The following PLEKHM1 variants were observed in gnomAD, a reference collection of about 807,000 sequenced individuals.
The protein encoded by PLEKHM1 is pleckstrin homology and RUN domain containing M1.
A neutral mutation model predicts 94.3 loss-of-function variants in PLEKHM1; 28 were observed. That is an observed-to-expected ratio of 0.30 (90% CI 0.22 to 0.41). The LOEUF is 0.41. PLEKHM1 is among the 10% of genes least tolerant of loss of function. PLEKHM1 has a pLI of 1.00. For synonymous variants in PLEKHM1, 424 were observed against 581.2 expected (o/e 0.73, Z 3.89); for missense variants, 907 against 1,358.6 (o/e 0.67, Z 5.22).
At position 45,475,163 on chromosome 17, in the gene PLEKHM1, G is replaced by A. The variant is rs1357288587; in HGVS notation, c.860C>T (p.Pro287Leu). ...GSKSPDHCEE[P>L]MSCDSDLGTA... is the part of the protein sequence containing the mutation. ...GCCCAGGTCTGAGTCACAGGACATG[G>A]GCTCCTCGCAATGGTCTGGACTCTT... The change falls in exon 4 of 12, where the codon CCC becomes CTC. Residue 287 changes from proline (P) to leucine (L), a missense_variant. This residue lies in a region of PLEKHM1 where 477 missense variants were observed against 601.5 expected (regional missense o/e 0.79). Coordinates refer to ENST00000430334, the MANE Select transcript of PLEKHM1 (RefSeq NM_014798.3). The A allele has an allele frequency of 1.2e-6, 2 of 1,613,824 alleles. No individual in the cohort carries two copies. Among genetic ancestry groups the A allele is most frequent in the Non-Finnish European group, 1.7e-6 (2 of 1,179,870 alleles).
chr17:45,465,407 A>T (rs963674054), intron 5 of PLEKHM1, among the ~76,000 whole-genome samples: 6 of 152,062 alleles, frequency 3.9e-5, no homozygotes, highest in Non-Finnish European at 8.8e-5. Context: ...AGGAACAGCA[A>T]ATGTAAAACC....
In PLEKHM1 at chr17:45,455,212, C is replaced by T. The variant is rs116566970; in HGVS notation, c.1580-940G>A. Among the ~76,000 whole-genome samples the T allele has an allele frequency of 8.8e-3, 1,341 of 152,314 alleles. 21 individuals are homozygous for T. The highest frequency in any genetic ancestry group is 0.031 in the African/African-American group (1,268 of 41,562). On this transcript the variant is annotated intron_variant, in intron 6 of 11. Coordinates refer to ENST00000430334, the MANE Select transcript of PLEKHM1 (RefSeq NM_014798.3). ...TGCTCCAAGTAGGCTTCTCTCCCCC[C>T]ATTCTACTGACACTGTTTCTGAGAT...
chr17:45,486,190 C>T (rs2052112143), intron 1 of PLEKHM1, among the ~76,000 whole-genome samples: 1 of 141,156 alleles, frequency 7.1e-6, no homozygotes, highest in Non-Finnish European at 1.5e-5. Flanking sequence ...GCACTCCAGC[C>T]TAGGCGACAG....
At chr17:45,459,248 ACCCCGT>A (rs2051078500) in intron 5 of PLEKHM1, 1 of 151,370 alleles carries the variant, frequency 6.6e-6, no homozygotes, top group Admixed American at 6.6e-5. Context: ...CAAAAAGGAA[ACCCCGT>A]ACCCATTAGC....
At chr17:45,452,946 G>A (rs1597938120) in intron 7 of PLEKHM1, 1 of 342,566 alleles carries the variant, frequency 2.9e-6, no homozygotes, top group East Asian at 6.9e-5. Flanking sequence ...AATAGCACGA[G>A]CCCATTTTTA....
chr17:45,468,474 G>C lies in PLEKHM1; in HGVS notation c.1043C>G (p.Thr348Arg). 6.2e-7 allele frequency: 1 copy of C among 1,614,274 alleles called. No individual in the cohort carries two copies. The highest frequency in any genetic ancestry group is 8.5e-7 in the Non-Finnish European group (1 of 1,180,056). Residue 348 changes from threonine to arginine, a missense_variant, in exon 5 of 12, where the codon ACA becomes AGA. Around this residue, in one of 3 missense-constraint regions of PLEKHM1, gnomAD observed 477 missense variants for 601.5 expected, o/e 0.79. Transcript: ENST00000430334. ...TGCAGGTGCCTCACAGTGCAGGTAT[G>C]TGCTGGTGTTGAGGCCATGGAGGGA... The part of the protein sequence containing the change: ...SLSLHGLNTS[T>R]YLHCEAPAEP...
chr17:45,454,181 G>C lies in PLEKHM1; in HGVS notation c.1671C>G (p.Leu557=), dbSNP rs141154514. The C allele has an allele frequency of 3.6e-5, 58 of 1,613,480 alleles. No homozygotes were observed. In the African/African-American group the frequency reaches 6.9e-4, roughly 19 times the overall value. The change falls in exon 7 of 12, where the codon CTC becomes CTG. Residue 557 remains leucine, a synonymous_variant. Coordinates refer to ENST00000430334, the MANE Select transcript of PLEKHM1 (RefSeq NM_014798.3). ...MGIWKELFCE[L]SPLEFRLYLS... ...GGTAGAGGCGGAACTCCAGCGGGGA[G>C]AGCTCGCAGAAGAGCTCCTTCCAGA...
intron 1 of PLEKHM1, among the ~76,000 whole-genome samples, chr17:45,490,246 C>T (rs1406430101): frequency 6.6e-6 from 1 of 150,786 alleles, no homozygotes; most frequent in African/African-American, 2.4e-5. Flanking sequence ...AATGGTGGGT[C>T]TCGGGGAGGT....
At chr17:45,488,577 C>T (rs1044876850) in intron 1 of PLEKHM1, among the ~76,000 whole-genome samples, 2 of 152,088 alleles carry the variant, frequency 1.3e-5, no homozygotes, top group African/African-American at 4.8e-5. Context: ...TGAAGGTAAA[C>T]AGCATTCACT....
intron 1 of PLEKHM1, among the ~76,000 whole-genome samples, chr17:45,485,183 C>T (rs1184223106): frequency 6.6e-6 from 1 of 151,786 alleles, no homozygotes; most frequent in Non-Finnish European, 1.5e-5. Context: ...ATTCTGGCCA[C>T]GGGGTGACAG....
intron 5 of PLEKHM1, among the ~76,000 whole-genome samples, chr17:45,466,940 C>T (rs1349821422): frequency 6.6e-6 from 1 of 152,194 alleles, no homozygotes; most frequent in Non-Finnish European, 1.5e-5. Context: ...TGAGAATGTT[C>T]ACTACAGCTT....
chr17:45,490,360 A>G (rs532068571), intron 1 of PLEKHM1, among the ~76,000 whole-genome samples: 2 of 151,590 alleles, frequency 1.3e-5, no homozygotes, highest in African/African-American at 4.9e-5. Flanking sequence ...ACTGGGGTAA[A>G]GTGGGGTCAC....
intron 1 of PLEKHM1, among the ~76,000 whole-genome samples, chr17:45,489,764 AGTTGGC>A (rs1429912067): frequency 6.6e-6 from 1 of 152,064 alleles, no homozygotes; most frequent in African/African-American, 2.4e-5. Context: ...CAGCTGGTGG[AGTTGGC>A]AGGCGACTCT....
Position 45,445,270 on chromosome 17 carries a change from C to A in PLEKHM1, c.2837+200G>T, listed in dbSNP as rs2684654. ...GCCCCTGTGTGTGTGTGCATGTGCA[C>A]GAGTGCCTGCATGTGTGTACATTTG... On this transcript the variant is annotated intron_variant, in intron 9 of 11. Coordinates refer to ENST00000430334, the MANE Select transcript of PLEKHM1 (RefSeq NM_014798.3). This position sits in a 1 kb window ranked among gnomAD's most constrained non-coding sequence, Gnocchi z 4.2. Among the ~76,000 whole-genome samples the A allele has an allele frequency of 6.6e-6, 1 of 152,350 alleles. No homozygotes were observed. Among genetic ancestry groups the A allele is most frequent in the South Asian group, 2.1e-4 (1 of 4,830 alleles).
chr17:45,446,658 GT>G (rs2145187366), intron 8 of PLEKHM1, among the ~76,000 whole-genome samples: 1 of 152,256 alleles, frequency 6.6e-6, no homozygotes, highest in African/African-American at 2.4e-5. Flanking sequence ...TGGTGGCTTT[GT>G]TTTTGATACT....
intron 8 of PLEKHM1, among the ~76,000 whole-genome samples, chr17:45,449,957 C>T (rs112538459): frequency 0.13 from 18,880 of 149,858 alleles, 1,546 homozygotes; most frequent in Middle Eastern, 0.2. Context: ...CATCCACCCA[C>T]CCACCTAGCC....
chr17:45,483,429 G>GGGGTGGGGTGGGGTGGGGC (rs1430939399), intron 1 of PLEKHM1, among the ~76,000 whole-genome samples: 11 of 128,432 alleles, frequency 8.6e-5, no homozygotes, highest in Middle Eastern at 4.0e-3. Context: ...GGGGTGGGGT[G>GGGGTGGGGTGGGGTGGGGC]GGGTGGGGTG....
intron 1 of PLEKHM1, among the ~76,000 whole-genome samples, chr17:45,489,633 T>C (rs549948851): frequency 2.0e-5 from 3 of 150,954 alleles, no homozygotes; most frequent in African/African-American, 4.9e-5. Context: ...CACCCAAGAG[T>C]TGGGGAGAGC....
intron 1 of PLEKHM1, among the ~76,000 whole-genome samples, chr17:45,483,414 T>TGGGTGGGGAG (rs2052016124): frequency 8.0e-6 from 1 of 124,356 alleles, no homozygotes; most frequent in Admixed American, 8.3e-5. Flanking sequence ...CTCCTGGAAG[T>TGGGTGGGGAG]GGGTGGGGTG....
Sources: gnomAD v4.1 joint callset for allele counts (sites outside exome capture counted in the v4.1 genomes callset) on GRCh38, gnomAD v4.1.1 for gene constraint, gnomAD v4.1.1 regional missense constraint, Gnocchi (gnomAD v3.1) non-coding constraint, MANE v1.5 for transcripts, NCBI Gene and HGNC (gene_info 2026-07-23, HGNC 2026-07-21) for gene names.